PHF12: variants seen among roughly 807,000 people sequenced by gnomAD.
PHF12 encodes PHD finger protein 12.
In PHF12, 6 loss-of-function variants were observed where a neutral mutation model predicts 99.8. That is an observed-to-expected ratio of 0.06 (90% CI 0.03 to 0.12). PHF12 has a LOEUF of 0.12. Among genes scored for constraint, PHF12 ranks in the 10% least tolerant of loss-of-function variants. The probability of loss-of-function intolerance (pLI) is 1.00; values close to 1 mark genes in which losing one functional copy is unlikely to be tolerated. For synonymous variants in PHF12, 480 were observed against 514.9 expected (o/e 0.93, Z 0.92); for missense variants, 954 against 1,300.1 (o/e 0.73, Z 4.09).
chr17:28,911,621 G>A (rs1285865973), intron 9 of PHF12, among the ~76,000 whole-genome samples: 1 of 152,198 alleles, frequency 6.6e-6, no homozygotes, highest in African/African-American at 2.4e-5. Flanking sequence ...ACCCACGCTG[G>A]TTTTAAGCGA....
chr17:28,944,485 G>A (rs969518993), intron 2 of PHF12: 1 of 981,238 alleles, frequency 1.0e-6, no homozygotes, highest in Admixed American at 6.2e-5. Context: ...CTGAACCTGA[G>A]TTAAAATTGA....
chr17:28,936,355 C>A (rs1435241360), intron 2 of PHF12, among the ~76,000 whole-genome samples: 2 of 151,692 alleles, frequency 1.3e-5, no homozygotes, highest in Non-Finnish European at 2.9e-5. Flanking sequence ...AGGGAAGAGG[C>A]GAGAGGTAGA....
intron 2 of PHF12, among the ~76,000 whole-genome samples, chr17:28,932,057 C>A (rs2152672075): frequency 6.6e-6 from 1 of 152,314 alleles, no homozygotes; most frequent in South Asian, 2.1e-4. Flanking sequence ...ATAAAGCTTT[C>A]TCATGACCAT....
intron 11 of PHF12, chr17:28,909,183 C>T (rs2039918246): frequency 2.9e-6 from 1 of 343,160 alleles, no homozygotes; most frequent in Non-Finnish European, 5.5e-6. Flanking sequence ...CCAGCTGGTA[C>T]TATAGGGAGA....
rs2040767071 is a variant in PHF12, at chr17:28,949,269, C to A, written c.248+796G>T. Reference sequence around the variant, plus strand: ...CCAAGGGCAATTTTAATTGTCTAACCCGGCCCGATTTCCTAAGAGGCAGCG... The same window carrying A: ...CCAAGGGCAATTTTAATTGTCTAACACGGCCCGATTTCCTAAGAGGCAGCG... On this transcript the variant is annotated intron_variant, in intron 2 of 14. Transcript: ENST00000332830. This position sits in a 1 kb window ranked among gnomAD's most constrained non-coding sequence, Gnocchi z 4.6. 6.6e-6 allele frequency among the ~76,000 whole-genome samples: 1 copy of A among 152,128 alleles called. No individual in the cohort carries two copies. The highest frequency in any genetic ancestry group is 2.4e-5 in the African/African-American group (1 of 41,430).
chr17:28,913,059 A>G lies in PHF12; in HGVS notation c.1512T>C (p.Asn504=). The G allele has an allele frequency of 6.2e-7, 1 of 1,614,098 alleles. No homozygotes were observed. Residue 504 remains asparagine (N), a synonymous_variant, in exon 9 of 15, where the codon AAT becomes AAC. Transcript: ENST00000332830. The part of the protein sequence containing the change: ...LSCPSGISTQ[N]SLSCSPPHQS... ...GGTGGGGTGGAGAGCAGCTCAGGGA[A>G]TTCTGGGTGCTAATCCCTGAGGGGC...
intron 7 of PHF12, among the ~76,000 whole-genome samples, chr17:28,914,943 G>A (rs531873547): frequency 6.6e-6 from 1 of 152,312 alleles, no homozygotes; most frequent in African/African-American, 2.4e-5. Flanking sequence ...TAGAGATCCA[G>A]AGATGAATAA....
intron 2 of PHF12, among the ~76,000 whole-genome samples, chr17:28,941,830 C>T (rs1203439700): frequency 1.3e-5 from 2 of 152,194 alleles, no homozygotes; most frequent in Non-Finnish European, 2.9e-5. Flanking sequence ...TGGTCTCGAA[C>T]TCCTGACCTC....
At chr17:28,930,128 A>G (rs576723468) in intron 2 of PHF12, among the ~76,000 whole-genome samples, 1 of 152,318 alleles carries the variant, frequency 6.6e-6, no homozygotes, top group African/African-American at 2.4e-5. Flanking sequence ...CTCCCTACAC[A>G]GACCATACTG....
At chr17:28,907,418 T>G in intron 13 of PHF12, 172 bp downstream of exon 13, 1 of 634,186 alleles carries the variant, frequency 1.6e-6, no homozygotes, top group Non-Finnish European at 2.7e-6. Context: ...GCTTCCCAGG[T>G]AGGATGCTAT....
chr17:28,948,904 G>T (rs781448860), intron 2 of PHF12, among the ~76,000 whole-genome samples: 1 of 152,180 alleles, frequency 6.6e-6, no homozygotes, highest in Non-Finnish European at 1.5e-5. Context: ...AGTAGAACAA[G>T]ACGAAATCTG....
intron 13 of PHF12, 88 bp downstream of exon 13, chr17:28,907,502 C>T (rs1215792150): frequency 7.5e-7 from 1 of 1,339,060 alleles, no homozygotes; most frequent in Non-Finnish European, 1.1e-6. Context: ...TCCCTCTTCC[C>T]TCCCCTCAGG....
intron 5 of PHF12, among the ~76,000 whole-genome samples, chr17:28,921,114 G>T (rs972415421): frequency 2.0e-5 from 3 of 151,916 alleles, no homozygotes; most frequent in African/African-American, 7.3e-5. Context: ...TCAATATCCT[G>T]ACCTTGTGAT....
In PHF12 at chr17:28,917,274, T is replaced by A. The variant is rs369355623; in HGVS notation, c.1134+11A>T. The stretch of plus-strand genomic sequence containing the variant: ...AGACTACCATCTTGCCTGCACCTGA[T>A]TGTGACTCACCTTCAAGCTTCTTCT... On this transcript the variant is annotated intron_variant, in intron 7 of 14. Transcript: ENST00000332830. The A allele has an allele frequency of 6.2e-7, 1 of 1,613,020 alleles. No individual in the cohort carries two copies. The highest frequency in any genetic ancestry group is 1.1e-5 in the South Asian group (1 of 91,032).
intron 2 of PHF12, among the ~76,000 whole-genome samples, chr17:28,929,228 TAA>T (rs879819870): frequency 2.9e-5 from 4 of 138,630 alleles, no homozygotes; most frequent in Admixed American, 7.2e-5. Flanking sequence ...GGGGAAATGG[TAA>T]AAAAAAAAAA....
In PHF12 at chr17:28,951,268, C is replaced by A. The variant is rs1288801227; in HGVS notation, c.-308G>T. 1 of 1,181,012 alleles carries A rather than the reference C, an allele frequency of 8.5e-7. No homozygotes were observed. Among genetic ancestry groups the A allele is most frequent in the Non-Finnish European group, 1.1e-6 (1 of 950,650 alleles). The allele number at this position is 1,181,012 out of a possible 1,614,324, so 73.2% of individuals were successfully genotyped here. ...TCCCACAGGCTAAAGCCGGCACTGG[C>A]GACAGCCGGTCCGGCCGGGAAGGCT... On this transcript the variant is annotated 5_prime_UTR_variant, in exon 1 of 15. Coordinates refer to ENST00000332830, the MANE Select transcript of PHF12 (RefSeq NM_001033561.2).
At chr17:28,909,181 T>A in intron 11 of PHF12, 1 of 348,614 alleles carries the variant, frequency 2.9e-6, no homozygotes, top group Non-Finnish European at 5.4e-6. Flanking sequence ...TTCCAGCTGG[T>A]ACTATAGGGA....
intron 10 of PHF12, chr17:28,910,644 T>C: frequency 2.0e-6 from 1 of 509,070 alleles, no homozygotes. Flanking sequence ...CAGAGTGGAA[T>C]AAACCACTTG....
At chr17:28,947,761 TAACTC>T (rs1036449767) in intron 2 of PHF12, among the ~76,000 whole-genome samples, 71 of 152,242 alleles carry the variant, frequency 4.7e-4, no homozygotes, top group African/African-American at 1.7e-3. Flanking sequence ...ATTTAGATAA[TAACTC>T]AGATAAGTCA....
Sources: allele counts gnomAD v4.1 joint callset (sites outside exome capture counted in the v4.1 genomes callset), GRCh38; gene constraint gnomAD v4.1.1; non-coding constraint Gnocchi (gnomAD v3.1); transcripts MANE v1.5; gene names NCBI Gene and HGNC (gene_info 2026-07-23, HGNC 2026-07-21).